The following TBRG1 variants were observed in gnomAD, a reference collection of about 807,000 sequenced individuals.
TBRG1 encodes transforming growth factor beta regulator 1.
A neutral mutation model predicts 44.0 loss-of-function variants in TBRG1; 31 were observed. The ratio of observed to expected loss-of-function variants is 0.70; its 90% confidence interval spans 0.53 to 0.95. The LOEUF (loss-of-function observed/expected upper bound fraction) is 0.95. TBRG1 is among the 40% of genes least tolerant of loss of function. TBRG1 has a pLI of 0.00. For synonymous variants in TBRG1, 171 were observed against 188.1 expected (o/e 0.91, Z 0.74); for missense variants, 487 against 496.1 (o/e 0.98, Z 0.18).
intron 5 of TBRG1, among the ~76,000 whole-genome samples, chr11:124,628,083 ATATAT>A: frequency 1.7e-5 from 1 of 58,190 alleles, no homozygotes; most frequent in African/African-American, 1.3e-4. Context: ...ATATATATAT[ATATAT>A]ATATATATAT....
In TBRG1 at chr11:124,627,036, G is replaced by T; in HGVS notation, c.724G>T (p.Gly242Cys). 6.4e-7 allele frequency: 1 copy of T among 1,552,316 alleles called. No homozygotes were observed. Among genetic ancestry groups the T allele is most frequent in the Non-Finnish European group, 8.7e-7 (1 of 1,146,580 alleles). Residue 242 changes from glycine (G) to cysteine (C), a missense_variant, in exon 5 of 9, where the codon GGT (glycine) becomes TGT (cysteine). Gly to Cys is a radical substitution (Grantham distance 159). Transcript: ENST00000441174. ...ATATACCTGTCAGATCAAGGATGGT[G>T]GTGTGCAGCCTCAGGTACCCCCTCT... ...CLYTCQIKDG[G>C]VQPQFEIVPE...
rs1465404742 is a variant in TBRG1, at chr11:124,625,716, G to A, written c.267G>A (p.Gly89=). 2 of 1,554,982 alleles carry A rather than the reference G, an allele frequency of 1.3e-6. No homozygotes were observed. Among genetic ancestry groups the A allele is most frequent in the Admixed American group, 1.9e-5 (1 of 51,332 alleles). The part of the protein sequence containing the change: ...KLLQLQALTE[G]EVQAAAPSHS... ...TCCAGCTTCAGGCTCTAACTGAAGG[G>A]GAAGTACAGGCTGCAGCTCCTTCCC... Residue 89 remains glycine, a synonymous_variant, in exon 3 of 9, where the codon GGG becomes GGA. Transcript: ENST00000441174.
chr11:124,630,940 CT>C (rs1942596575), intron 7 of TBRG1, 85 bp downstream of exon 7: 1 of 1,002,554 alleles, frequency 1.0e-6, no homozygotes, highest in Non-Finnish European at 1.5e-6. Context: ...GTTCACTGAC[CT>C]TCTGTGTCCA....
rs754246081 is a variant in TBRG1, at chr11:124,630,487, T to A, written c.836+2T>A. 1 of 1,606,472 alleles carries A rather than the reference T, an allele frequency of 6.2e-7. No homozygotes were observed. Among genetic ancestry groups the A allele is most frequent in the South Asian group, 1.1e-5 (1 of 90,946 alleles). The stretch of plus-strand genomic sequence containing the variant: ...GCTCAGGACTATAAGCACTACTATG[T>A]AAGTTGACCAAAAGCTTGAAAACAG... On this transcript the variant is annotated splice_donor_variant, in intron 6 of 8. Transcript: ENST00000441174. LOFTEE classifies it high-confidence loss of function.
chr11:124,635,410 T>C lies in TBRG1; in HGVS notation c.*3172T>C, dbSNP rs1010720550. On this transcript the variant is annotated 3_prime_UTR_variant, in exon 9 of 9. Coordinates refer to ENST00000441174, the MANE Select transcript of TBRG1 (RefSeq NM_032811.3). ...CACTGACAAAGTTATTCCTGCTGTT[T>C]GGAGCTACACCAGAACCCCTTGGAA... The C allele has an allele frequency of 6.6e-6, 1 of 152,170 alleles. No homozygotes were observed. Among genetic ancestry groups the C allele is most frequent in the Non-Finnish European group, 1.5e-5 (1 of 68,036 alleles). The allele number at this position is 152,170 out of a possible 1,614,324, so 9.4% of individuals were successfully genotyped here. A position where few individuals can be genotyped will look rare whatever the true frequency, so the allele number is the denominator to read the frequency against.
At position 124,623,245 on chromosome 11, in the gene TBRG1, C is replaced by G. The variant is rs1942381028; in HGVS notation, c.150+12C>G. On this transcript the variant is annotated intron_variant, in intron 1 of 8. Transcript: ENST00000441174. ...AGGCCACGGTGTTTGTGAGTCTGAC[C>G]CACGTTCAGCCGGTCCCCTCCTGGA... The G allele has an allele frequency of 9.7e-6, 15 of 1,551,230 alleles. No homozygotes were observed. Among genetic ancestry groups the G allele is most frequent in the Non-Finnish European group, 1.1e-5 (13 of 1,146,984 alleles).
At position 124,622,927 on chromosome 11, in the gene TBRG1, T is replaced by A; in HGVS notation, c.-157T>A. 1 of 784,582 alleles carries A rather than the reference T, an allele frequency of 1.3e-6. No homozygotes were observed. Among genetic ancestry groups the A allele is most frequent in the Non-Finnish European group, 1.9e-6 (1 of 513,056 alleles). The allele number at this position is 784,582 out of a possible 1,614,324, so 48.6% of individuals were successfully genotyped here. The stretch of plus-strand genomic sequence containing the variant: ...GAGCCCGTTCGGTTGCGGGTGTCTC[T>A]GGCCCTGCGGTCAGCCCTGGGAACG... On this transcript the variant is annotated 5_prime_UTR_variant, in exon 1 of 9. Transcript: ENST00000441174.
intron 8 of TBRG1, 23 bp downstream of exon 8, chr11:124,631,440 G>T: frequency 6.2e-7 from 1 of 1,612,864 alleles, no homozygotes; most frequent in African/African-American, 1.3e-5. Context: ...TTACCTTTCT[G>T]GTTTGAAAAT....
chr11:124,626,654 C>G (rs572228563), intron 4 of TBRG1, 45 bp downstream of exon 4: 30 of 1,547,604 alleles, frequency 1.9e-5, no homozygotes, highest in Non-Finnish European at 2.1e-5. Context: ...CAGGGAAATA[C>G]GGGAATGGGG....
chr11:124,623,303 C>T (rs678132), intron 1 of TBRG1, 70 bp downstream of exon 1: 3 of 1,504,334 alleles, frequency 2.0e-6, no homozygotes, highest in Non-Finnish European at 2.7e-6. Flanking sequence ...CCAAGCTGTT[C>T]CCCCTTCCCA....
chr11:124,632,284 A>G lies in TBRG1; in HGVS notation c.*46A>G, dbSNP rs756116945. The stretch of plus-strand genomic sequence containing the variant: ...ACATCGTTTTTGTCGTGATTAATTT[A>G]ACTTAAACTAAAATTTTGGGTATAT... On this transcript the variant is annotated 3_prime_UTR_variant, in exon 9 of 9. Coordinates refer to ENST00000441174, the MANE Select transcript of TBRG1 (RefSeq NM_032811.3). The G allele has an allele frequency of 1.3e-6, 2 of 1,582,444 alleles. No homozygotes were observed. The highest frequency in any genetic ancestry group is 1.7e-6 in the Non-Finnish European group (2 of 1,159,524).
chr11:124,632,052 C>T (rs996511843), intron 8 of TBRG1, 41 bp from the exon 9 acceptor site: 2 of 1,603,610 alleles, frequency 1.2e-6, no homozygotes, highest in South Asian at 1.1e-5. Context: ...TCTGCCCAGA[C>T]TCCCGAGCAG....
At chr11:124,631,903 T>C in intron 8 of TBRG1, 190 bp from the exon 9 acceptor site, 2 of 576,976 alleles carry the variant, frequency 3.5e-6, no homozygotes, top group South Asian at 4.3e-5. Flanking sequence ...TATATAACCC[T>C]AGGCAAGTCA....
rs1942634188 is a variant in TBRG1, at chr11:124,632,319, C to A, written c.*81C>A. 8.0e-7 allele frequency: 1 copy of A among 1,253,530 alleles called. No individual in the cohort carries two copies. The allele number at this position is 1,253,530 out of a possible 1,614,324, so 77.7% of individuals were successfully genotyped here. ...AAAATTTTGGGTATATGAAAGAAGG[C>A]AGCAATTCAGAAGTAAAGAAGATAC... On this transcript the variant is annotated 3_prime_UTR_variant, in exon 9 of 9. Transcript: ENST00000441174.
rs1427062220 is a variant in TBRG1 at position 124,632,498 on chromosome 11, T to A, written c.*260T>A. 1 of 311,862 alleles carries A rather than the reference T, an allele frequency of 3.2e-6. No individual in the cohort carries two copies. The highest frequency in any genetic ancestry group is 7.3e-5 in the East Asian group (1 of 13,776). The allele number at this position is 311,862 out of a possible 1,614,324, so 19.3% of individuals were successfully genotyped here. A position where few individuals can be genotyped will look rare whatever the true frequency, so the allele number is the denominator to read the frequency against. ...CTTTTTTGCTTAGCTCTGCCTGAGG[T>A]AAAGTAAACTTCAGCCTCTTATAAA... On this transcript the variant is annotated 3_prime_UTR_variant, in exon 9 of 9. Coordinates refer to ENST00000441174, the MANE Select transcript of TBRG1 (RefSeq NM_032811.3).
Position 124,626,622 on chromosome 11 carries a change from A to C in TBRG1, c.591+13A>C. 1 of 1,551,502 alleles carries C rather than the reference A, an allele frequency of 6.4e-7. No homozygotes were observed. Among genetic ancestry groups the C allele is most frequent in the Non-Finnish European group, 8.7e-7 (1 of 1,146,838 alleles). On this transcript the variant is annotated intron_variant, in intron 4 of 8. Transcript: ENST00000441174. ...TAGCCTGGGGGAGGTGAGTGAGACC[A>C]GCGATATATAGAGAGGAGAATCAGG...
chr11:124,623,935 C>T (rs1052267165), intron 1 of TBRG1, among the ~76,000 whole-genome samples: 2 of 152,162 alleles, frequency 1.3e-5, no homozygotes, highest in African/African-American at 2.4e-5. Flanking sequence ...CCTCAAATGT[C>T]CCCCCACATC....
chr11:124,628,831 C>T (rs760901565), intron 5 of TBRG1, among the ~76,000 whole-genome samples: 2 of 152,060 alleles, frequency 1.3e-5, no homozygotes, highest in Non-Finnish European at 2.9e-5. Context: ...GCACTAGGTA[C>T]ACATTTGCAC....
intron 5 of TBRG1, among the ~76,000 whole-genome samples, chr11:124,628,116 TACACACACAC>T (rs368617758): frequency 2.6e-3 from 110 of 41,894 alleles, no homozygotes; most frequent in Middle Eastern, 0.018. Context: ...TATATATATA[TACACACACAC>T]ACACACACAC....
Sources: allele counts gnomAD v4.1 joint callset (sites outside exome capture counted in the v4.1 genomes callset), GRCh38; gene constraint gnomAD v4.1.1; transcripts MANE v1.5; gene names NCBI Gene and HGNC (gene_info 2026-07-23, HGNC 2026-07-21).